PCDH9: variants seen among roughly 807,000 people sequenced by gnomAD.
PCDH9 encodes protocadherin 9.
PCDH9 carries 24 observed loss-of-function variants against 70.6 expected under a neutral mutation model. That is an observed-to-expected ratio of 0.34 (90% confidence interval 0.25 to 0.48). PCDH9 has a LOEUF of 0.48. Ranked by LOEUF, PCDH9 falls within the 20% of genes least tolerant of loss-of-function variation. PCDH9 has a pLI of 0.99. For synonymous variants in PCDH9, 562 were observed against 558.5 expected, an observed-to-expected ratio of 1.01 and a Z score of -0.09; for missense variants, 1,281 against 1,503.6, an observed-to-expected ratio of 0.85 and a Z score of 2.45.
intron 2 of PCDH9, among the ~76,000 whole-genome samples, chr13:66,970,809 C>A (rs2083508861): frequency 1.3e-5 from 2 of 151,886 alleles, no homozygotes; most frequent in South Asian, 4.1e-4. Context: ...ATCCATTCCC[C>A]ATCTCCATTA....
At chr13:67,042,998 C>A (rs2085152648) in intron 2 of PCDH9, among the ~76,000 whole-genome samples, 1 of 151,798 alleles carries the variant, frequency 6.6e-6, no homozygotes, top group African/African-American at 2.4e-5. Context: ...TTGTAAAGTT[C>A]ACAAGTTGTG....
chr13:66,573,640 T>A (rs764600752), intron 4 of PCDH9, among the ~76,000 whole-genome samples: 1 of 152,218 alleles, frequency 6.6e-6, no homozygotes, highest in Non-Finnish European at 1.5e-5. Context: ...CCATTTGCAA[T>A]GTTTGATAAA....
intron 3 of PCDH9, among the ~76,000 whole-genome samples, chr13:66,842,563 T>C (rs997963394): frequency 1.3e-5 from 2 of 152,196 alleles, no homozygotes; most frequent in Non-Finnish European, 2.9e-5. Context: ...TTTCCTCATA[T>C]TATAGAAATA....
At chr13:67,087,983 T>C (rs2086142159) in intron 2 of PCDH9, among the ~76,000 whole-genome samples, 1 of 152,036 alleles carries the variant, frequency 6.6e-6, no homozygotes, top group Non-Finnish European at 1.5e-5. Context: ...CTGTCAAAAT[T>C]CTCTCTTGAT....
intron 3 of PCDH9, among the ~76,000 whole-genome samples, chr13:66,865,090 TG>T (rs1034831422): frequency 5.3e-5 from 8 of 152,220 alleles, no homozygotes; most frequent in Non-Finnish European, 2.9e-5. Context: ...CATACTTTTA[TG>T]AAGTTTTTGC....
chr13:66,792,325 A>G (rs1387164409), intron 3 of PCDH9, among the ~76,000 whole-genome samples: 1 of 152,134 alleles, frequency 6.6e-6, no homozygotes, highest in Non-Finnish European at 1.5e-5. Context: ...TATACATTGT[A>G]CTCCTATAGA....
rs533209714 is a variant in PCDH9 at position 66,916,252 on chromosome 13, C to T, written c.3037-12647G>A. ...CTTTTGAAAGTACCTTTGAACTCTG[C>T]TCAATGTTTCTCACAATTCACCCAG... On this transcript the variant is annotated intron_variant, in intron 2 of 4. Transcript: ENST00000377865. 3.3e-5 allele frequency among the ~76,000 whole-genome samples: 5 copies of T among 151,606 alleles called. No homozygotes were observed. The East Asian group carries it at 9.7e-4, about 29-fold the overall frequency.
At chr13:66,967,592 A>G (rs988198905) in intron 2 of PCDH9, among the ~76,000 whole-genome samples, 2 of 152,054 alleles carry the variant, frequency 1.3e-5, no homozygotes, top group African/African-American at 2.4e-5. Flanking sequence ...AAATCCATAG[A>G]TAAGTCCAAT....
intron 3 of PCDH9, among the ~76,000 whole-genome samples, chr13:66,867,264 C>T (rs2081593063): frequency 6.6e-6 from 1 of 152,120 alleles, no homozygotes; most frequent in African/African-American, 2.4e-5. Flanking sequence ...TACTGAGGCA[C>T]ATATCTAAGG....
rs565316174 is a variant in PCDH9 at position 66,368,404 on chromosome 13, C to A, written c.3341-63376G>T. The stretch of plus-strand genomic sequence containing the variant: ...TCTTAAAGTAGGTATTTGTTAATTC[C>A]TTTTAGTGCTCAATTATTAGGCTTA... On this transcript the variant is annotated intron_variant, in intron 4 of 4. Transcript: ENST00000377865. Among the ~76,000 whole-genome samples, 8 of 151,544 alleles carry A rather than the reference C, an allele frequency of 5.3e-5. No homozygotes were observed. In the East Asian group the frequency reaches 1.6e-3, roughly 30 times the overall value.
intron 2 of PCDH9, among the ~76,000 whole-genome samples, chr13:66,935,805 G>A (rs560624781): frequency 1.3e-4 from 20 of 152,204 alleles, no homozygotes; most frequent in African/African-American, 4.6e-4. Context: ...TTGCAGCCGG[G>A]CACCATGGCT....
chr13:66,350,592 T>C (rs1956279025), intron 4 of PCDH9, among the ~76,000 whole-genome samples: 2 of 152,196 alleles, frequency 1.3e-5, no homozygotes, highest in Non-Finnish European at 2.9e-5. Context: ...GCAATTCTTC[T>C]GGTGTTTCAG....
At chr13:66,415,948 C>T (rs1292018621) in intron 4 of PCDH9, among the ~76,000 whole-genome samples, 1 of 152,122 alleles carries the variant, frequency 6.6e-6, no homozygotes, top group Non-Finnish European at 1.5e-5. Context: ...AGTGTCTTAA[C>T]CCATCAAAAT....
rs2089932311 is a variant in PCDH9 at position 67,228,296 on chromosome 13, T to C, written c.145A>G (p.Ile49Val). The change falls in exon 2 of 5, where the codon ATT (isoleucine) becomes GTT (valine). Residue 49 changes from isoleucine (I) to valine (V), a missense_variant. By Grantham distance (29) the Ile-to-Val change is conservative (BLOSUM62 3). This residue lies in a region of PCDH9 where 798 missense variants were observed against 1,003.1 expected (regional missense o/e 0.80). Coordinates refer to ENST00000377865, the MANE Select transcript of PCDH9 (RefSeq NM_203487.3). The part of the protein sequence containing the change: ...PIGNIPKDLN[I>V]SHINAATGTS... ...CCTGTGGCAGCATTGATGTGAGAAA[T>C]GTTCAGATCCTTTGGTATGTTTCCT... 1 of 1,614,150 alleles carries C rather than the reference T, an allele frequency of 6.2e-7. No homozygotes were observed. Among genetic ancestry groups the C allele is most frequent in the African/African-American group, 1.3e-5 (1 of 75,034 alleles).
chr13:66,773,139 T>C (rs2139278286), intron 3 of PCDH9, among the ~76,000 whole-genome samples: 1 of 152,300 alleles, frequency 6.6e-6, no homozygotes, highest in African/African-American at 2.4e-5. Flanking sequence ...TATAACTGTT[T>C]CCATCACATC....
At chr13:66,924,696 G>C (rs1157442535) in intron 2 of PCDH9, among the ~76,000 whole-genome samples, 1 of 151,814 alleles carries the variant, frequency 6.6e-6, no homozygotes, top group Admixed American at 6.6e-5. Context: ...CATGAGCATA[G>C]CTACATACAT....
intron 3 of PCDH9, among the ~76,000 whole-genome samples, chr13:66,727,422 C>G (rs1422876581): frequency 6.6e-6 from 1 of 152,044 alleles, no homozygotes; most frequent in Non-Finnish European, 1.5e-5. Context: ...CATTGCCTAT[C>G]TTTCCTTCTA....
chr13:66,927,643 T>C (rs1023169675), intron 2 of PCDH9, among the ~76,000 whole-genome samples: 1 of 152,024 alleles, frequency 6.6e-6, no homozygotes, highest in Non-Finnish European at 1.5e-5. Flanking sequence ...TTCTTCTGAG[T>C]CCTCTTTCTC....
intron 4 of PCDH9, among the ~76,000 whole-genome samples, chr13:66,364,020 T>G (rs1464218090): frequency 8.5e-5 from 13 of 152,168 alleles, no homozygotes; most frequent in Admixed American, 3.9e-4. Context: ...CCGGGTATGT[T>G]GGCAGGCACC....
Sources: gnomAD v4.1 joint callset for allele counts (sites outside exome capture counted in the v4.1 genomes callset) on GRCh38, gnomAD v4.1.1 for gene constraint, gnomAD v4.1.1 regional missense constraint, MANE v1.5 for transcripts, NCBI Gene and HGNC (gene_info 2026-07-23, HGNC 2026-07-21) for gene names.